Variants in ANKRD31 observed in about 807,000 individuals in gnomAD.
ANKRD31 encodes ankyrin repeat domain-containing protein 31.
A neutral mutation model predicts 186.0 loss-of-function variants in ANKRD31; 147 were observed. That is an observed-to-expected ratio of 0.79 (90% CI 0.69 to 0.91). ANKRD31 has a LOEUF of 0.91. Ranked by LOEUF, ANKRD31 falls within the 40% of genes least tolerant of loss-of-function variation. ANKRD31 has a pLI of 0.00. For missense variants in ANKRD31, 1,986 were observed against 2,148.8 expected, an observed-to-expected ratio of 0.92 and a Z score of 1.50; for synonymous variants, 673 against 736.4, an observed-to-expected ratio of 0.91 and a Z score of 1.39.
intron 7 of ANKRD31, 123 bp from the exon 8 acceptor site, chr5:75,193,714 A>C: frequency 1.2e-6 from 1 of 807,770 alleles, no homozygotes; most frequent in South Asian, 1.9e-5. Context: ...ATCCAAGTAC[A>C]AGAATTCATA....
At position 75,187,022 on chromosome 5, in the gene ANKRD31, AGTGTGTGTGTGT is replaced by A. The variant is rs10624220; in HGVS notation, c.1564+1459_1564+1470del. 8.4e-4 allele frequency among the ~76,000 whole-genome samples: 120 copies of A among 142,718 alleles called. 1 individual carries two copies. Among genetic ancestry groups the A allele is most frequent in the Admixed American group, 6.1e-3 (86 of 14,190 alleles). 93.6% of individuals were successfully genotyped at this position (142,718 alleles called of 152,430 possible). On this transcript the variant is annotated intron_variant, in intron 10 of 25. Coordinates refer to ENST00000506364, the MANE Select transcript of ANKRD31 (RefSeq NM_001372053.1). ...GAGTGTGTGTGTGTATGAGACACAG[AGTGTGTGTGTGT>A]GTGTGTGTGTGTGTGTGTGTTTTGG...
At chr5:75,173,588 A>G (rs1022666023) in intron 10 of ANKRD31, among the ~76,000 whole-genome samples, 14 of 152,200 alleles carry the variant, frequency 9.2e-5, no homozygotes, top group Admixed American at 2.6e-4. Context: ...TACACCAATA[A>G]CAGACAAACA....
intron 17 of ANKRD31, among the ~76,000 whole-genome samples, chr5:75,134,471 T>C (rs375791280): frequency 9.9e-5 from 15 of 152,122 alleles, no homozygotes; most frequent in East Asian, 7.7e-4. Flanking sequence ...CAGGAAGAAG[T>C]TGAATCCCTG....
rs560506141 is a variant in ANKRD31, at chr5:75,104,847, C to T, written c.4712G>A (p.Gly1571Glu). 6 of 1,537,032 alleles carry T rather than the reference C, an allele frequency of 3.9e-6. No individual in the cohort carries two copies. Among genetic ancestry groups the T allele is most frequent in the African/African-American group, 1.4e-5 (1 of 73,020 alleles). Residue 1571 changes from glycine to glutamate, a missense_variant, in exon 22 of 26, where the codon GGA becomes GAA. By Grantham distance (98) the Gly-to-Glu change is moderately conservative (BLOSUM62 -2). Transcript: ENST00000506364. ...SEAVRRGEFSGNDMNSKQNGS... is the reference protein window; with the variant it reads ...SEAVRRGEFSENDMNSKQNGS... ...ATTTTGTTTAGAATTCATATCATTT[C>T]CAGAAAATTCTCCCCTTCTCACTGC... is the stretch of plus-strand genomic sequence containing the variant.
intron 14 of ANKRD31, among the ~76,000 whole-genome samples, chr5:75,145,221 A>G (rs1751349239): frequency 1.3e-5 from 2 of 152,298 alleles, no homozygotes; most frequent in Non-Finnish European, 1.5e-5. Flanking sequence ...CATTTGACGC[A>G]GCCATCCCAT....
chr5:75,093,553 C>T (rs1158315002), intron 22 of ANKRD31, among the ~76,000 whole-genome samples: 3 of 151,966 alleles, frequency 2.0e-5, no homozygotes, highest in African/African-American at 4.8e-5. Context: ...ATTCAGGAGG[C>T]TCAATGACTC....
At chr5:75,088,612 C>A (rs1218991112) in intron 23 of ANKRD31, among the ~76,000 whole-genome samples, 4 of 152,170 alleles carry the variant, frequency 2.6e-5, no homozygotes, top group Non-Finnish European at 5.9e-5. Context: ...GAGTTCAGAG[C>A]AACCTGTTTC....
intron 21 of ANKRD31, 108 bp downstream of exon 21, chr5:75,107,413 C>T (rs1747413708): frequency 2.8e-6 from 2 of 701,820 alleles, no homozygotes; most frequent in Non-Finnish European, 2.3e-6. Flanking sequence ...CATTATTTGG[C>T]CCCAAGCAGT....
Position 75,137,982 on chromosome 5 carries a change from ATGAAG to A in ANKRD31, c.3745_3749del (p.Leu1249Ter), listed in dbSNP as rs1455897200. The A allele has an allele frequency of 4.0e-6, 6 of 1,496,436 alleles. No individual in the cohort carries two copies. In the African/African-American group the frequency reaches 5.8e-5, roughly 14 times the overall value. The allele number at this position is 1,496,436 out of a possible 1,614,324, so 92.7% of individuals were successfully genotyped here. A position where few individuals can be genotyped will look rare whatever the true frequency, so the allele number is the denominator to read the frequency against. On this transcript the variant is annotated frameshift_variant, in exon 17 of 26. Coordinates refer to ENST00000506364, the MANE Select transcript of ANKRD31 (RefSeq NM_001372053.1). LOFTEE classifies it high-confidence loss of function. Reference sequence around the variant, plus strand: ...CAATAGATCCTTCATTAGATGCCTCATGAAGTGGTGTCCAACCTAAAAAAAGAAAA... The same window carrying A: ...CAATAGATCCTTCATTAGATGCCTCATGGTGTCCAACCTAAAAAAAGAAAA...
chr5:75,088,573 G>T (rs1052244242), intron 23 of ANKRD31, among the ~76,000 whole-genome samples: 4 of 152,190 alleles, frequency 2.6e-5, no homozygotes, highest in Non-Finnish European at 4.4e-5. Flanking sequence ...CATTCATAAA[G>T]GTGGCTAGAT....
chr5:75,122,407 A>C (rs934730013), intron 17 of ANKRD31, among the ~76,000 whole-genome samples: 4 of 152,098 alleles, frequency 2.6e-5, no homozygotes, highest in African/African-American at 9.7e-5. Flanking sequence ...AGCAGGAGAG[A>C]ATCCTCCCTA....
chr5:75,163,217 A>G (rs1580460013), intron 11 of ANKRD31, among the ~76,000 whole-genome samples: 1 of 152,022 alleles, frequency 6.6e-6, no homozygotes, highest in Non-Finnish European at 1.5e-5. Flanking sequence ...CAGTATTTAG[A>G]ATTTTGGATT....
intron 10 of ANKRD31, among the ~76,000 whole-genome samples, chr5:75,169,742 T>C (rs1753183133): frequency 6.6e-6 from 1 of 152,174 alleles, no homozygotes; most frequent in South Asian, 2.1e-4. Flanking sequence ...AAGTTGCACG[T>C]CAAAAGAGAC....
chr5:75,182,877 G>C (rs1754428759), intron 10 of ANKRD31, among the ~76,000 whole-genome samples: 1 of 152,116 alleles, frequency 6.6e-6, no homozygotes, highest in Non-Finnish European at 1.5e-5. Flanking sequence ...CTATTTTAAA[G>C]TTACTGAAGA....
chr5:75,099,178 A>G (rs1383667791), intron 22 of ANKRD31, among the ~76,000 whole-genome samples: 1 of 152,186 alleles, frequency 6.6e-6, no homozygotes, highest in African/African-American at 2.4e-5. Context: ...TTCTGCATCT[A>G]TTGAGATAAT....
At position 75,220,504 on chromosome 5, in the gene ANKRD31, T is replaced by A. The variant is rs1757224030; in HGVS notation, c.288+1745A>T. ...AAAATACAAAAAAATTAGCCGAGCA[T>A]GATGGTGCATGCCTGTAATTCCAGC... is the stretch of plus-strand genomic sequence containing the variant. On this transcript the variant is annotated intron_variant, in intron 3 of 25. Transcript: ENST00000506364. 2.0e-5 allele frequency among the ~76,000 whole-genome samples: 3 copies of A among 151,834 alleles called. No individual in the cohort carries two copies. The South Asian group carries it at 6.2e-4, about 32-fold the overall frequency.
At chr5:75,134,392 G>T (rs4028850) in intron 17 of ANKRD31, among the ~76,000 whole-genome samples, 2 of 152,048 alleles carry the variant, frequency 1.3e-5, no homozygotes, top group Admixed American at 6.6e-5. Flanking sequence ...ACACCTATAC[G>T]CAAATAAATA....
At chr5:75,074,989 T>A (rs1744518543) in intron 25 of ANKRD31, among the ~76,000 whole-genome samples, 4 of 152,352 alleles carry the variant, frequency 2.6e-5, no homozygotes, top group Admixed American at 2.0e-4. Flanking sequence ...ATAATATTTT[T>A]AAAAATTGTT....
At chr5:75,135,538 C>T (rs1295842122) in intron 17 of ANKRD31, among the ~76,000 whole-genome samples, 1 of 152,152 alleles carries the variant, frequency 6.6e-6, no homozygotes, top group South Asian at 2.1e-4. Context: ...AATGGAAGAA[C>T]ATTCCATGCT....
Sources: allele counts gnomAD v4.1 joint callset (sites outside exome capture counted in the v4.1 genomes callset), GRCh38; gene constraint gnomAD v4.1.1; transcripts MANE v1.5; gene names NCBI Gene and HGNC (gene_info 2026-07-23, HGNC 2026-07-21).